Variants in CNTLN observed in about 807,000 individuals in gnomAD.
CNTLN encodes centlein.
A neutral mutation model predicts 180.0 loss-of-function variants in CNTLN; 212 were observed. That is an observed-to-expected ratio of 1.18 (90% confidence interval 1.05 to 1.32). The LOEUF (loss-of-function observed/expected upper bound fraction) is 1.32. Ranked by LOEUF, CNTLN falls within the 40% of genes most tolerant of loss-of-function variation. CNTLN has a pLI of 0.00. For synonymous variants in CNTLN, 722 were observed against 563.1 expected (o/e 1.28, Z -3.99); for missense variants, 2,095 against 1,610.9 (o/e 1.30, Z -5.14).
intron 2 of CNTLN, among the ~76,000 whole-genome samples, chr9:17,171,094 T>C (rs1250840968): frequency 6.6e-6 from 1 of 152,236 alleles, no homozygotes; most frequent in African/African-American, 2.4e-5. Context: ...AATGAATCCT[T>C]GTTGTTAAGT....
chr9:17,383,618 T>C (rs905489762), intron 13 of CNTLN, among the ~76,000 whole-genome samples: 2 of 152,092 alleles, frequency 1.3e-5, no homozygotes, highest in Non-Finnish European at 2.9e-5. Context: ...CAAAAGTTAA[T>C]TGCAAGAAGT....
intron 18 of CNTLN, among the ~76,000 whole-genome samples, chr9:17,422,529 C>T (rs994521391): frequency 6.6e-6 from 1 of 152,152 alleles, no homozygotes; most frequent in Non-Finnish European, 1.5e-5. Context: ...TCAATTGAAT[C>T]GTTCAGCTCC....
intron 13 of CNTLN, among the ~76,000 whole-genome samples, chr9:17,372,452 T>A (rs112081510): frequency 0.011 from 1,739 of 152,114 alleles, 38 homozygotes; most frequent in African/African-American, 0.039. Context: ...TCAACGGAAC[T>A]ATAATAAGTA....
chr9:17,151,359 G>A (rs980481567), intron 2 of CNTLN, among the ~76,000 whole-genome samples: 3 of 152,150 alleles, frequency 2.0e-5, no homozygotes, highest in African/African-American at 7.2e-5. Flanking sequence ...GGCATGAATA[G>A]GTGTTGAATT....
chr9:17,449,582 T>C (rs1237456157), intron 18 of CNTLN, among the ~76,000 whole-genome samples: 1 of 152,198 alleles, frequency 6.6e-6, no homozygotes, highest in African/African-American at 2.4e-5. Flanking sequence ...AGTCAAACTC[T>C]TTTTTCTGTG....
chr9:17,186,510 G>T (rs1821443266), intron 2 of CNTLN, among the ~76,000 whole-genome samples: 1 of 152,166 alleles, frequency 6.6e-6, no homozygotes, highest in African/African-American at 2.4e-5. Flanking sequence ...CATTGTATAT[G>T]ATTTTGGATT....
intron 25 of CNTLN, among the ~76,000 whole-genome samples, chr9:17,490,978 T>C (rs956309339): frequency 1.3e-5 from 2 of 152,092 alleles, no homozygotes; most frequent in African/African-American, 4.8e-5. Flanking sequence ...CATAAGGAGA[T>C]GTACTACCTT....
intron 2 of CNTLN, among the ~76,000 whole-genome samples, chr9:17,166,201 G>T (rs1404496299): frequency 6.6e-6 from 1 of 151,660 alleles, no homozygotes; most frequent in Non-Finnish European, 1.5e-5. Context: ...AACATGAACA[G>T]GTGACAAAAA....
intron 18 of CNTLN, among the ~76,000 whole-genome samples, chr9:17,449,072 G>A (rs1467580462): frequency 1.3e-5 from 2 of 152,146 alleles, no homozygotes; most frequent in Non-Finnish European, 1.5e-5. Flanking sequence ...TAAGTCTCGT[G>A]TTTAGGAGGG....
Position 17,394,735 on chromosome 9 carries a change from C to G in CNTLN, c.2281C>G (p.Gln761Glu), listed in dbSNP as rs768588913. Residue 761 changes from glutamine (Q) to glutamate (E), a missense_variant, in exon 15 of 26, where the codon CAA becomes GAA. Transcript: ENST00000380647. ...KDVEKENTELQVKISELETEV... is the reference protein window; with the variant it reads ...KDVEKENTELEVKISELETEV... ...TGTAGAAAAAGAAAATACTGAACTTCAAGTAAAAATCAGTGAGCTGGAGAC... is the reference window on the plus strand; with the variant it reads ...TGTAGAAAAAGAAAATACTGAACTTGAAGTAAAAATCAGTGAGCTGGAGAC... 10 of 1,613,838 alleles carry G rather than the reference C, an allele frequency of 6.2e-6. No homozygotes were observed. Among genetic ancestry groups the G allele is most frequent in the Non-Finnish European group, 7.6e-6 (9 of 1,179,914 alleles).
At chr9:17,425,281 G>A (rs1829002264) in intron 18 of CNTLN, among the ~76,000 whole-genome samples, 1 of 152,074 alleles carries the variant, frequency 6.6e-6, no homozygotes, top group Non-Finnish European at 1.5e-5. Flanking sequence ...TAGAGTTAAA[G>A]GAGGTCCTGT....
At position 17,236,431 on chromosome 9, in the gene CNTLN, A is replaced by G; in HGVS notation, c.692A>G (p.Asn231Ser). The G allele has an allele frequency of 6.2e-7, 1 of 1,613,220 alleles. No homozygotes were observed. The highest frequency in any genetic ancestry group is 8.5e-7 in the Non-Finnish European group (1 of 1,179,508). ...EIKDTKECVQ[N>S]KEEQNRLVIK... ...CAGGACACTAAGGAGTGTGTACAGA[A>G]CAAAGAAGAGCAAAACAGACTAGTT... The change falls in exon 5 of 26, where the codon AAC (asparagine) becomes AGC (serine). Residue 231 changes from asparagine to serine, a missense_variant. Asn to Ser is a conservative substitution (Grantham distance 46, BLOSUM62 1). Transcript: ENST00000380647.
intron 6 of CNTLN, among the ~76,000 whole-genome samples, chr9:17,294,976 G>C (rs76610117): frequency 0.19 from 28,456 of 147,794 alleles, 3,513 homozygotes; most frequent in African/African-American, 0.33. Context: ...CAGCCCTGCC[G>C]CACAGGGAGG....
chr9:17,508,669 T>C (rs1833975958), downstream of CNTLN, among the ~76,000 whole-genome samples: 1 of 152,224 alleles, frequency 6.6e-6, no homozygotes, highest in Non-Finnish European at 1.5e-5. Context: ...ATGGAATGTA[T>C]AGCCTTTTGA....
chr9:17,233,072 A>G (rs998514294), intron 3 of CNTLN, among the ~76,000 whole-genome samples: 2 of 152,082 alleles, frequency 1.3e-5, no homozygotes, highest in Admixed American at 1.3e-4. Context: ...AAGTGTTGGT[A>G]TGGAGGTAGA....
intron 5 of CNTLN, among the ~76,000 whole-genome samples, chr9:17,247,213 C>G (rs1413439282): frequency 1.3e-5 from 2 of 152,090 alleles, no homozygotes; most frequent in East Asian, 1.9e-4. Flanking sequence ...CTGGGAATTG[C>G]AATCCTTGTG....
intron 14 of CNTLN, among the ~76,000 whole-genome samples, chr9:17,390,387 C>T (rs899570602): frequency 1.3e-5 from 2 of 151,538 alleles, no homozygotes; most frequent in East Asian, 1.9e-4. Flanking sequence ...TACAGGTGTG[C>T]GCCACTATGC....
the CNTLN span, among the ~76,000 whole-genome samples, chr9:17,509,004 T>C: frequency 6.6e-6 from 1 of 152,170 alleles, no homozygotes; most frequent in Non-Finnish European, 1.5e-5. Context: ...GCGAGGAGGA[T>C]TTTAATAATC....
rs1832927496 is a variant in CNTLN at position 17,487,076 on chromosome 9, T to G, written c.4119+10T>G. ...ACTTCTTGAAGGACAGGTATTTCAT[T>G]TTTCTGTTTCATATATTAAGCTTCC... On this transcript the variant is annotated intron_variant, in intron 25 of 25. Transcript: ENST00000380647. The G allele has an allele frequency of 7.0e-6, 11 of 1,568,236 alleles. No individual in the cohort carries two copies. Among genetic ancestry groups the G allele is most frequent in the Non-Finnish European group, 9.6e-6 (11 of 1,140,268 alleles).
Sources: gnomAD v4.1 joint callset for allele counts (sites outside exome capture counted in the v4.1 genomes callset) on GRCh38, gnomAD v4.1.1 for gene constraint, MANE v1.5 for transcripts, NCBI Gene and HGNC (gene_info 2026-07-23, HGNC 2026-07-21) for gene names.